KCNT2: variants seen among roughly 807,000 people sequenced by gnomAD.
KCNT2 encodes the protein potassium channel subfamily T member 2.
KCNT2 carries 67 observed loss-of-function variants against 153.8 expected under a neutral mutation model. The ratio of observed to expected loss-of-function variants is 0.44; its 90% confidence interval spans 0.36 to 0.53. KCNT2 has a LOEUF of 0.53. KCNT2 is among the 20% of genes least tolerant of loss of function. The pLI is 0.00. For synonymous variants in KCNT2, 500 were observed against 458.8 expected (o/e 1.09, Z -1.15); for missense variants, 975 against 1,354.8 (o/e 0.72, Z 4.40).
chr1:196,233,366 T>C (rs1234109062), intron 27 of KCNT2, among the ~76,000 whole-genome samples: 1 of 151,452 alleles, frequency 6.6e-6, no homozygotes, highest in Admixed American at 6.6e-5. Context: ...TTCACACTTA[T>C]TTGGGGTCAG....
intron 14 of KCNT2, among the ~76,000 whole-genome samples, chr1:196,343,762 T>C (rs1301074798): frequency 2.0e-5 from 3 of 152,034 alleles, no homozygotes; most frequent in African/African-American, 7.2e-5. Flanking sequence ...TTGTTTTGTT[T>C]TGTTTTGTTT....
At chr1:196,247,325 A>G (rs1029687600) in intron 26 of KCNT2, among the ~76,000 whole-genome samples, 1 of 152,198 alleles carries the variant, frequency 6.6e-6, no homozygotes, top group African/African-American at 2.4e-5. Flanking sequence ...CTCCAACACA[A>G]TAATAACTGG....
At chr1:196,228,365 T>G (rs754829388) in intron 27 of KCNT2, 30 bp from the exon 28 acceptor site, 5 of 1,193,160 alleles carry the variant, frequency 4.2e-6, no homozygotes, top group Admixed American at 3.8e-5. Flanking sequence ...TAAATAACTT[T>G]GCAATAGTAA....
intron 1 of KCNT2, among the ~76,000 whole-genome samples, chr1:196,540,651 A>G (rs933265973): frequency 3.9e-5 from 6 of 152,232 alleles, no homozygotes; most frequent in Non-Finnish European, 8.8e-5. Context: ...GTTCAGTTCT[A>G]CACAGAATCA....
chr1:196,599,941 C>A (rs1223960983), intron 1 of KCNT2, among the ~76,000 whole-genome samples: 1 of 152,140 alleles, frequency 6.6e-6, no homozygotes, highest in Non-Finnish European at 1.5e-5. Context: ...TCTCCACTTC[C>A]CAGTCAAGAG....
chr1:196,454,922 T>G (rs1676525541), intron 8 of KCNT2, among the ~76,000 whole-genome samples: 1 of 152,020 alleles, frequency 6.6e-6, no homozygotes, highest in Non-Finnish European at 1.5e-5. Flanking sequence ...GGGGAGAATC[T>G]GCTTCCAAGT....
intron 25 of KCNT2, among the ~76,000 whole-genome samples, chr1:196,260,415 G>C (rs1369251341): frequency 6.6e-6 from 1 of 151,770 alleles, no homozygotes; most frequent in Admixed American, 6.6e-5. Flanking sequence ...ACATCTACAA[G>C]ATGAACTGAA....
At chr1:196,382,273 T>G (rs2148373734) in intron 13 of KCNT2, among the ~76,000 whole-genome samples, 1 of 150,786 alleles carries the variant, frequency 6.6e-6, no homozygotes, top group African/African-American at 2.4e-5. Context: ...TATTTTTTAT[T>G]TTTTTTTGTA....
intron 1 of KCNT2, among the ~76,000 whole-genome samples, chr1:196,580,938 T>C (rs1217157589): frequency 6.6e-6 from 1 of 152,178 alleles, no homozygotes; most frequent in Non-Finnish European, 1.5e-5. Context: ...GTTCTTGTTT[T>C]CTTGTAAGCC....
chr1:196,587,690 T>C (rs1662855350), intron 1 of KCNT2, among the ~76,000 whole-genome samples: 1 of 152,078 alleles, frequency 6.6e-6, no homozygotes, highest in South Asian at 2.1e-4. Flanking sequence ...TTACTTTCCA[T>C]TTAAACTTAA....
Position 196,385,530 on chromosome 1 carries a change from A to G in KCNT2, c.1295-12282T>C, listed in dbSNP as rs116772302. The stretch of plus-strand genomic sequence containing the variant: ...TTTCAGAATATAAAAAATCCCTATA[A>G]CTCATTAAAAAATCGCCAAACAGAA... On this transcript the variant is annotated intron_variant, in intron 13 of 27. Transcript: ENST00000294725. Among the ~76,000 whole-genome samples the G allele has an allele frequency of 5.4e-3, 822 of 152,110 alleles. 5 individuals are homozygous for G. Among genetic ancestry groups the G allele is most frequent in the African/African-American group, 0.019 (770 of 41,502 alleles).
intron 15 of KCNT2, 89 bp from the exon 16 acceptor site, chr1:196,340,659 A>C: frequency 1.4e-6 from 1 of 740,366 alleles, no homozygotes; most frequent in Non-Finnish European, 2.1e-6. Flanking sequence ...ATAGCATTTT[A>C]AAGCTTGAAA....
At chr1:196,311,478 C>T (rs942143280) in intron 21 of KCNT2, among the ~76,000 whole-genome samples, 2 of 151,874 alleles carry the variant, frequency 1.3e-5, no homozygotes, top group Non-Finnish European at 2.9e-5. Context: ...ATTGACATTG[C>T]TCATTATCTT....
chr1:196,425,734 T>C, intron 11 of KCNT2, 118 bp downstream of exon 11: 4 of 973,172 alleles, frequency 4.1e-6, no homozygotes, highest in Non-Finnish European at 6.4e-6. Context: ...CAAGAGTCTA[T>C]ACTCAAACAT....
Position 196,280,997 on chromosome 1 carries a change from C to T in KCNT2, c.2782-9G>A, listed in dbSNP as rs373081513. 7.5e-6 allele frequency: 12 copies of T among 1,596,842 alleles called. No homozygotes were observed. The African/African-American group carries it at 1.5e-4, about 20-fold the overall frequency. On this transcript the variant is annotated splice_polypyrimidine_tract_variant and intron_variant, in intron 24 of 27. Coordinates refer to ENST00000294725, the MANE Select transcript of KCNT2 (RefSeq NM_198503.5). ...TCTGCAGTGATTTTCATCTATAACA[C>T]ACACAAATTATTTACATATTAAATG...
At chr1:196,376,622 TC>T (rs1336874785) in intron 13 of KCNT2, among the ~76,000 whole-genome samples, 1 of 151,970 alleles carries the variant, frequency 6.6e-6, no homozygotes, top group Non-Finnish European at 1.5e-5. Context: ...TTTCATGTTT[TC>T]CAACTCTTTA....
intron 1 of KCNT2, among the ~76,000 whole-genome samples, chr1:196,564,361 A>G (rs1159744890): frequency 6.6e-6 from 1 of 151,940 alleles, no homozygotes; most frequent in African/African-American, 2.4e-5. Flanking sequence ...AGAAACAAAT[A>G]AACAGAAAAA....
At chr1:196,491,432 C>A (rs901649721) in intron 2 of KCNT2, among the ~76,000 whole-genome samples, 1 of 151,986 alleles carries the variant, frequency 6.6e-6, no homozygotes, top group Non-Finnish European at 1.5e-5. Flanking sequence ...CCTACAGAGG[C>A]ACAACTTAAT....
intron 8 of KCNT2, among the ~76,000 whole-genome samples, chr1:196,463,368 A>T (rs972969842): frequency 6.6e-6 from 1 of 151,848 alleles, no homozygotes; most frequent in Non-Finnish European, 1.5e-5. Context: ...TTATGAAGAC[A>T]GTTTGCTTGT....
Sources: allele counts gnomAD v4.1 joint callset (sites outside exome capture counted in the v4.1 genomes callset), GRCh38; gene constraint gnomAD v4.1.1; transcripts MANE v1.5; gene names NCBI Gene and HGNC (gene_info 2026-07-23, HGNC 2026-07-21).